CLPSL1: variants seen among roughly 807,000 people sequenced by gnomAD.
The protein encoded by CLPSL1 is colipase like 1.
Under a neutral mutation model 9.3 loss-of-function variants are expected in CLPSL1, and 13 were observed. The ratio of observed to expected loss-of-function variants is 1.40; its 90% confidence interval spans 0.91 to 2.22. The LOEUF (loss-of-function observed/expected upper bound fraction) is 2.22. Ranked by LOEUF, CLPSL1 falls within the 30% of genes most tolerant of loss-of-function variation. The pLI, the probability that CLPSL1 is intolerant of heterozygous loss-of-function variation, is 0.00. For missense variants in CLPSL1, 164 were observed against 146.6 expected (o/e 1.12, Z -0.61); for synonymous variants, 58 against 56.9 (o/e 1.02, Z -0.08).
rs549898138 is a variant in CLPSL1, at chr6:35,787,746, C to G, written c.223-121C>G. On this transcript the variant is annotated intron_variant, in intron 2 of 2. Transcript: ENST00000373861. ...CCACTCTGAGCAGCTGGCAAGCTAT[C>G]ATTTATCCCTGGATCCTGGCTGTGG... 3.4e-5 allele frequency: 33 copies of G among 957,606 alleles called. No individual in the cohort carries two copies. The East Asian group carries it at 6.0e-4, about 17-fold the overall frequency. The allele number at this position is 957,606 out of a possible 1,614,324, so 59.3% of individuals were successfully genotyped here.
downstream of CLPSL1, among the ~76,000 whole-genome samples, chr6:35,791,716 A>G (rs1768214099): frequency 1.3e-5 from 2 of 152,180 alleles, no homozygotes; most frequent in African/African-American, 2.4e-5. Flanking sequence ...GGATTGCTTG[A>G]GCCTAGGAGT....
At chr6:35,786,576 C>T (rs1218841214) in intron 1 of CLPSL1, among the ~76,000 whole-genome samples, 2 of 152,140 alleles carry the variant, frequency 1.3e-5, no homozygotes, top group Non-Finnish European at 2.9e-5. Flanking sequence ...CTGTCCTAAG[C>T]CCCAGTGCTG....
intron 1 of CLPSL1, among the ~76,000 whole-genome samples, chr6:35,784,694 G>T (rs139155212): frequency 1.0e-3 from 158 of 152,288 alleles, no homozygotes; most frequent in African/African-American, 3.4e-3. Flanking sequence ...GAGCCCAGAG[G>T]TTCGAGACCA....
chr6:35,791,304 T>C (rs1325334296), downstream of CLPSL1, among the ~76,000 whole-genome samples: 3 of 150,646 alleles, frequency 2.0e-5, no homozygotes, highest in African/African-American at 7.3e-5. Flanking sequence ...GTTGAAAATA[T>C]CGTAAGTTGA....
chr6:35,782,784 G>A (rs921062447), intron 1 of CLPSL1, among the ~76,000 whole-genome samples: 5 of 152,126 alleles, frequency 3.3e-5, no homozygotes, highest in Non-Finnish European at 5.9e-5. Flanking sequence ...TTGGGGAGGT[G>A]GAAGTGAGAG....
Position 35,781,099 on chromosome 6 carries a change from G to T in CLPSL1, c.-12G>T. On this transcript the variant is annotated 5_prime_UTR_variant, in exon 1 of 3. Coordinates refer to ENST00000373861, the MANE Select transcript of CLPSL1 (RefSeq NM_001010886.5). ...CGCTGGACCCTAGAAAAGCCACCAC[G>T]ACCTGTGGGCCATGATGCTACCCCA... 8.7e-6 allele frequency: 14 copies of T among 1,613,494 alleles called. No homozygotes were observed. Among genetic ancestry groups the T allele is most frequent in the Non-Finnish European group, 1.1e-5 (13 of 1,179,674 alleles).
chr6:35,793,523 G>C (rs115873898), exon 2 of CLPSL1: 2 of 471,640 alleles, frequency 4.2e-6, no homozygotes, highest in South Asian at 1.5e-5. Context: ...CTTCGAATAC[G>C]GTGAGAACGT....
At chr6:35,786,969 G>C in intron 1 of CLPSL1, 29 bp from the exon 2 acceptor site, 2 of 1,557,666 alleles carry the variant, frequency 1.3e-6, no homozygotes, top group Non-Finnish European at 1.7e-6. Context: ...GGGCGGTGGA[G>C]CCTGGCGGTG....
chr6:35,781,646 G>A (rs80129712), intron 1 of CLPSL1, among the ~76,000 whole-genome samples: 1,587 of 151,960 alleles, frequency 0.01, 21 homozygotes, highest in South Asian at 0.034. Flanking sequence ...ATTAATAATA[G>A]CATCTATCTC....
chr6:35,781,966 G>T (rs946073698), intron 1 of CLPSL1, among the ~76,000 whole-genome samples: 1 of 152,002 alleles, frequency 6.6e-6, no homozygotes, highest in East Asian at 1.9e-4. Context: ...TGGTCAGGCT[G>T]GTCTTGAACT....
chr6:35,793,721 C>T (rs1390243078), downstream of CLPSL1: 1 of 399,834 alleles, frequency 2.5e-6, no homozygotes, highest in Non-Finnish European at 5.1e-6. Flanking sequence ...AATCCTAACT[C>T]ATAAGCCTGT....
At chr6:35,786,737 A>G (rs924149686) in intron 1 of CLPSL1, among the ~76,000 whole-genome samples, 1 of 98,300 alleles carries the variant, frequency 1.0e-5, no homozygotes, top group Non-Finnish European at 2.1e-5. Flanking sequence ...AGTCTAGACC[A>G]CTCTGGTGTG....
intron 1 of CLPSL1, among the ~76,000 whole-genome samples, chr6:35,793,226 T>A: frequency 6.6e-6 from 1 of 152,186 alleles, no homozygotes; most frequent in East Asian, 1.9e-4. Context: ...GAATTCAAGA[T>A]CAGCCTGGCC....
downstream of CLPSL1, among the ~76,000 whole-genome samples, chr6:35,791,756 C>T (rs370488995): frequency 4.6e-5 from 7 of 152,096 alleles, no homozygotes; most frequent in African/African-American, 1.4e-4. Flanking sequence ...CATGGTGAAA[C>T]CCCATCTCCA....
At chr6:35,783,509 C>CA (rs911622955) in intron 1 of CLPSL1, among the ~76,000 whole-genome samples, 42 of 138,648 alleles carry the variant, frequency 3.0e-4, no homozygotes, top group African/African-American at 4.0e-4. Flanking sequence ...GACTTTGTCT[C>CA]AAAAAAAAAA....
Position 35,781,231 on chromosome 6 carries a change from G to C in CLPSL1, c.99+22G>C, listed in dbSNP as rs780270666. 7 of 1,611,526 alleles carry C rather than the reference G, an allele frequency of 4.3e-6. No individual in the cohort carries two copies. In the South Asian group the frequency reaches 7.7e-5, roughly 18 times the overall value. On this transcript the variant is annotated intron_variant, in intron 1 of 2. Coordinates refer to ENST00000373861, the MANE Select transcript of CLPSL1 (RefSeq NM_001010886.5). ...TTTGGTAAGAAAGCTGGAGAGTGCA[G>C]TCACCTCCCCCTCCACTGTCCTAAG...
intron 1 of CLPSL1, among the ~76,000 whole-genome samples, chr6:35,782,817 G>C (rs908452173): frequency 3.5e-4 from 53 of 152,278 alleles, no homozygotes; most frequent in African/African-American, 1.3e-3. Context: ...GGGGGTACCT[G>C]GGGGAGGTCA....
chr6:35,793,009 G>A (rs1768250102), downstream of CLPSL1, among the ~76,000 whole-genome samples: 1 of 152,272 alleles, frequency 6.6e-6, no homozygotes, highest in Non-Finnish European at 1.5e-5. Flanking sequence ...CTGGCCCCAG[G>A]AGAAGGATCT....
chr6:35,781,333 G>T (rs1364481910), intron 1 of CLPSL1, 124 bp downstream of exon 1: 8 of 1,394,290 alleles, frequency 5.7e-6, no homozygotes, highest in Non-Finnish European at 7.6e-6. Context: ...AGCAGGGAGT[G>T]TTGGGTGGAA....
Sources: gnomAD v4.1 joint callset for allele counts (sites outside exome capture counted in the v4.1 genomes callset) on GRCh38, gnomAD v4.1.1 for gene constraint, MANE v1.5 for transcripts, NCBI Gene and HGNC (gene_info 2026-07-23, HGNC 2026-07-21) for gene names.